CDH18: variants seen among roughly 807,000 people sequenced by gnomAD.
The protein encoded by CDH18 is cadherin 18.
Under a neutral mutation model 67.9 loss-of-function variants are expected in CDH18, and 31 were observed. The ratio of observed to expected loss-of-function variants is 0.46; its 90% CI spans 0.34 to 0.62. CDH18 has a LOEUF of 0.62. Ranked by LOEUF, CDH18 falls within the 20% of genes least tolerant of loss-of-function variation. The probability of loss-of-function intolerance (pLI) is 0.01; values close to 1 mark genes in which losing one functional copy is unlikely to be tolerated. For synonymous variants in CDH18, 362 were observed against 347.2 expected (o/e 1.04, Z -0.48); for missense variants, 890 against 975.5 (o/e 0.91, Z 1.17).
chr5:20,173,876 G>T (rs1217292500), intron 2 of CDH18, among the ~76,000 whole-genome samples: 1 of 152,044 alleles, frequency 6.6e-6, no homozygotes, highest in Non-Finnish European at 1.5e-5. Context: ...GATTTTTAAG[G>T]AGATTAATCT....
intron 2 of CDH18, among the ~76,000 whole-genome samples, chr5:19,864,382 G>A (rs1785235436): frequency 7.4e-6 from 1 of 135,928 alleles, no homozygotes. Context: ...CTGTTGTGTG[G>A]TGGGGGGAGG....
Position 19,969,059 on chromosome 5 carries a change from A to C in CDH18, c.-257+12001T>G, listed in dbSNP as rs1226118614. ...GACATGAACAGACACTTCTCAAAAGAAGACATTTATGCAGCCAAAATACAC... is the reference window on the plus strand; with the variant it reads ...GACATGAACAGACACTTCTCAAAAGCAGACATTTATGCAGCCAAAATACAC... On this transcript the variant is annotated intron_variant, in intron 2 of 12. Coordinates refer to ENST00000382275, the MANE Select transcript of CDH18 (RefSeq NM_004934.5). Among the ~76,000 whole-genome samples, 3 of 140,176 alleles carry C rather than the reference A, an allele frequency of 2.1e-5. No individual in the cohort carries two copies. In the East Asian group the frequency reaches 5.9e-4, roughly 27 times the overall value. The allele number at this position is 140,176 out of a possible 152,430, so 92.0% of individuals were successfully genotyped here.
chr5:20,481,453 T>C lies in CDH18; in HGVS notation c.-580+94009A>G, dbSNP rs565194599. Among the ~76,000 whole-genome samples, 102 of 152,186 alleles carry C rather than the reference T, an allele frequency of 6.7e-4. 1 individual carries two copies. The highest frequency in any genetic ancestry group is 2.4e-3 in the African/African-American group (101 of 41,534). ...AACATATCACACTTAATCAGCACTA[T>C]AGAAAAAATGGACCTAATAGGTATT... On this transcript the variant is annotated intron_variant, in intron 1 of 14. Transcript: ENST00000507958.
intron 2 of CDH18, among the ~76,000 whole-genome samples, chr5:20,149,942 T>TA (rs1240217320): frequency 1.3e-5 from 2 of 152,108 alleles, no homozygotes; most frequent in African/African-American, 4.8e-5. Context: ...TTTTCATTCC[T>TA]AATATCCTTA....
chr5:19,584,814 A>AAG (rs1743885430), intron 7 of CDH18, among the ~76,000 whole-genome samples: 1 of 141,558 alleles, frequency 7.1e-6, no homozygotes. Context: ...AAAAAAAAAG[A>AAG]AAAAAAGAAA....
intron 2 of CDH18, among the ~76,000 whole-genome samples, chr5:20,249,421 C>T (rs1450827560): frequency 2.1e-4 from 27 of 129,620 alleles, no homozygotes; most frequent in African/African-American, 7.3e-4. Context: ...CTGGCTCTGT[C>T]GCCCAGGCTG....
intron 4 of CDH18, among the ~76,000 whole-genome samples, chr5:19,730,717 A>C (rs1228018690): frequency 2.0e-5 from 3 of 151,844 alleles, no homozygotes; most frequent in Non-Finnish European, 4.4e-5. Context: ...CTGACTCTGA[A>C]TTTATATTGC....
chr5:19,755,904 C>T (rs183165900), intron 3 of CDH18, among the ~76,000 whole-genome samples: 293 of 152,146 alleles, frequency 1.9e-3, no homozygotes, highest in Admixed American at 6.5e-3. Context: ...ATCTGCCTTC[C>T]CCAGCCTACT....
intron 3 of CDH18, among the ~76,000 whole-genome samples, chr5:19,830,844 A>G (rs927409264): frequency 7.9e-5 from 12 of 152,166 alleles, no homozygotes; most frequent in Non-Finnish European, 1.6e-4. Context: ...ACCATGGAAT[A>G]CTACACAGCC....
chr5:19,487,288 C>T (rs1433923451), intron 11 of CDH18, among the ~76,000 whole-genome samples: 3 of 152,106 alleles, frequency 2.0e-5, no homozygotes, highest in East Asian at 1.9e-4. Context: ...GTCTACAGAG[C>T]TGTCAAACAA....
chr5:20,088,374 G>T (rs1278776242), intron 2 of CDH18, among the ~76,000 whole-genome samples: 1 of 152,172 alleles, frequency 6.6e-6, no homozygotes, highest in Non-Finnish European at 1.5e-5. Context: ...GTTTCGGAAT[G>T]GTCATATGAT....
At chr5:19,618,835 C>T (rs1409834520) in intron 5 of CDH18, among the ~76,000 whole-genome samples, 2 of 152,028 alleles carry the variant, frequency 1.3e-5, no homozygotes, top group African/African-American at 2.4e-5. Flanking sequence ...GGAGGATCTG[C>T]TTATGCAAAT....
At chr5:19,842,790 C>A (rs946141817) in intron 2 of CDH18, among the ~76,000 whole-genome samples, 2 of 151,986 alleles carry the variant, frequency 1.3e-5, no homozygotes, top group African/African-American at 4.8e-5. Context: ...CGGTTTTGAC[C>A]CAAACACTGA....
intron 5 of CDH18, among the ~76,000 whole-genome samples, chr5:19,645,289 A>T (rs928604268): frequency 6.6e-6 from 1 of 152,170 alleles, no homozygotes; most frequent in African/African-American, 2.4e-5. Flanking sequence ...GAATGAGGGG[A>T]AGGAATGAGC....
intron 1 of CDH18, among the ~76,000 whole-genome samples, chr5:20,453,475 A>T (rs183664106): frequency 8.3e-4 from 126 of 152,214 alleles, no homozygotes; most frequent in Admixed American, 2.5e-3. Flanking sequence ...TACCCCATGC[A>T]TTGCTTAGTT....
intron 2 of CDH18, among the ~76,000 whole-genome samples, chr5:19,958,419 T>C (rs1394158255): frequency 8.5e-6 from 1 of 117,924 alleles, no homozygotes; most frequent in Non-Finnish European, 1.8e-5. Context: ...TAAAAGATTC[T>C]AGTTAATGTA....
At chr5:20,011,452 C>T (rs569465646) in intron 2 of CDH18, among the ~76,000 whole-genome samples, 1 of 152,200 alleles carries the variant, frequency 6.6e-6, no homozygotes, top group African/African-American at 2.4e-5. Context: ...TTATTTCTTC[C>T]TCTTGCCTGA....
chr5:19,881,902 C>A (rs1300778285), intron 2 of CDH18, among the ~76,000 whole-genome samples: 1 of 152,032 alleles, frequency 6.6e-6, no homozygotes, highest in Non-Finnish European at 1.5e-5. Flanking sequence ...TCTATTATAA[C>A]CATGTTGAAC....
At chr5:19,553,958 A>G (rs906040341) in intron 8 of CDH18, among the ~76,000 whole-genome samples, 1 of 152,112 alleles carries the variant, frequency 6.6e-6, no homozygotes, top group African/African-American at 2.4e-5. Flanking sequence ...AGCTTAACAA[A>G]AAGTCACGCA....
Sources: allele counts gnomAD v4.1 joint callset (sites outside exome capture counted in the v4.1 genomes callset), GRCh38; gene constraint gnomAD v4.1.1; transcripts MANE v1.5; gene names NCBI Gene and HGNC (gene_info 2026-07-23, HGNC 2026-07-21).